SMARCAD1: variants seen among roughly 807,000 people sequenced by gnomAD.
The protein encoded by SMARCAD1 is SWI/SNF-related matrix-associated actin-dependent regulator of chromatin subfamily A containing DEAD/H box 1.
In SMARCAD1, 25 loss-of-function variants were observed where a neutral mutation model predicts 127.1. That is an observed-to-expected ratio of 0.20 (90% CI 0.14 to 0.27). The LOEUF is 0.27. Ranked by LOEUF, SMARCAD1 falls within the 10% of genes least tolerant of loss-of-function variation. The pLI is 1.00. For missense variants in SMARCAD1, 807 were observed against 1,206.0 expected (o/e 0.67, Z 4.90); for synonymous variants, 400 against 396.9 (o/e 1.01, Z -0.09).
At chr4:94,285,882 T>G (rs1365339046) in intron 23 of SMARCAD1, among the ~76,000 whole-genome samples, 3 of 152,236 alleles carry the variant, frequency 2.0e-5, no homozygotes, top group Non-Finnish European at 4.4e-5. Context: ...CTTGCCAGTT[T>G]CAGGTTGTCC....
chr4:94,253,881 GA>G (rs1749667472), intron 9 of SMARCAD1, among the ~76,000 whole-genome samples: 1 of 152,100 alleles, frequency 6.6e-6, no homozygotes, highest in Non-Finnish European at 1.5e-5. Context: ...AAGCAATATG[GA>G]TGATTTTTTA....
intron 23 of SMARCAD1, among the ~76,000 whole-genome samples, chr4:94,287,125 T>G (rs1755056855): frequency 6.6e-6 from 1 of 152,174 alleles, no homozygotes; most frequent in South Asian, 2.1e-4. Context: ...TGGCCTCTCC[T>G]TACCACTTTT....
At chr4:94,236,748 C>T (rs1313724853) in intron 4 of SMARCAD1, among the ~76,000 whole-genome samples, 1 of 152,140 alleles carries the variant, frequency 6.6e-6, no homozygotes, top group African/African-American at 2.4e-5. Context: ...CAACCTGATA[C>T]ATTTTAAAAT....
intron 2 of SMARCAD1, among the ~76,000 whole-genome samples, chr4:94,216,233 C>T (rs796365439): frequency 2.0e-5 from 3 of 152,262 alleles, no homozygotes; most frequent in African/African-American, 7.2e-5. Flanking sequence ...AATGTCACCT[C>T]CTAATACCAT....
intron 3 of SMARCAD1, among the ~76,000 whole-genome samples, chr4:94,229,354 C>T (rs1010313747): frequency 6.6e-6 from 1 of 152,020 alleles, no homozygotes. Flanking sequence ...TTTTTCTCCC[C>T]ATTTGTGCTT....
intron 2 of SMARCAD1, among the ~76,000 whole-genome samples, chr4:94,219,968 T>C (rs1481752916): frequency 1.3e-5 from 2 of 152,242 alleles, no homozygotes; most frequent in African/African-American, 4.8e-5. Context: ...TCTTTATAAC[T>C]GTTTCTGCTT....
intron 6 of SMARCAD1, among the ~76,000 whole-genome samples, chr4:94,245,935 T>G (rs1748342106): frequency 6.6e-6 from 1 of 152,164 alleles, no homozygotes; most frequent in Non-Finnish European, 1.5e-5. Context: ...TAAAACTCTC[T>G]AAAACGATTT....
intron 4 of SMARCAD1, 95 bp from the exon 5 acceptor site, chr4:94,236,857 G>T: frequency 2.0e-6 from 2 of 980,464 alleles, no homozygotes; most frequent in Admixed American, 3.6e-5. Context: ...TTCCTGTCAT[G>T]TTTATATTTA....
intron 2 of SMARCAD1, among the ~76,000 whole-genome samples, chr4:94,223,761 A>G (rs28735979): frequency 2.8e-5 from 1 of 35,752 alleles, no homozygotes; most frequent in East Asian, 2.6e-3. Flanking sequence ...TTTTTTTTTT[A>G]AAGTAGAGAC....
chr4:94,247,268 A>G (rs1748578594), intron 6 of SMARCAD1, among the ~76,000 whole-genome samples: 1 of 152,226 alleles, frequency 6.6e-6, no homozygotes, highest in South Asian at 2.1e-4. Context: ...TGGAGATGGA[A>G]AAATAAGCAC....
At chr4:94,253,818 T>C in intron 9 of SMARCAD1, 1 of 545,888 alleles carries the variant, frequency 1.8e-6, no homozygotes, top group Non-Finnish European at 2.3e-6. Flanking sequence ...TAAATTTTGC[T>C]TCAACCCTTA....
chr4:94,259,443 A>G (rs1396104618), intron 9 of SMARCAD1, among the ~76,000 whole-genome samples: 2 of 152,204 alleles, frequency 1.3e-5, no homozygotes, highest in African/African-American at 4.8e-5. Flanking sequence ...GTTATTAGAT[A>G]GATCTAAATT....
chr4:94,242,297 G>A (rs977389946), intron 6 of SMARCAD1, among the ~76,000 whole-genome samples: 39 of 151,650 alleles, frequency 2.6e-4, no homozygotes, highest in Non-Finnish European at 5.3e-4. Context: ...CACCCACCTC[G>A]GCTTCCCAAA....
intron 9 of SMARCAD1, among the ~76,000 whole-genome samples, chr4:94,256,563 A>G (rs553258651): frequency 6.6e-5 from 10 of 152,172 alleles, no homozygotes; most frequent in Non-Finnish European, 8.8e-5. Context: ...GAGTTTCACC[A>G]TGTTGGCCAG....
rs1754015734 is a variant in SMARCAD1, at chr4:94,281,455, T to C, written c.2608-17T>C. 1 of 1,506,052 alleles carries C rather than the reference T, an allele frequency of 6.6e-7. No individual in the cohort carries two copies. Among genetic ancestry groups the C allele is most frequent in the East Asian group, 2.3e-5 (1 of 44,224 alleles). 93.3% of individuals were successfully genotyped at this position (1,506,052 alleles called of 1,614,324 possible). On this transcript the variant is annotated splice_polypyrimidine_tract_variant and intron_variant, in intron 20 of 23. Coordinates refer to ENST00000354268, the MANE Select transcript of SMARCAD1 (RefSeq NM_020159.5). The stretch of plus-strand genomic sequence containing the variant: ...AACGATTTTTTCTATTTCTAATTCA[T>C]GTATGTATTTTCACAGGGTGATAGA...
At chr4:94,215,744 A>G (rs1462417919) in intron 2 of SMARCAD1, among the ~76,000 whole-genome samples, 1 of 152,146 alleles carries the variant, frequency 6.6e-6, no homozygotes, top group African/African-American at 2.4e-5. Flanking sequence ...CTGCTTTTTC[A>G]TACCTGTCTA....
chr4:94,283,680 C>T (rs547178643), intron 22 of SMARCAD1, among the ~76,000 whole-genome samples: 1 of 151,992 alleles, frequency 6.6e-6, no homozygotes, highest in South Asian at 2.1e-4. Context: ...AAAAAATTAG[C>T]CGGGCATGGT....
At chr4:94,216,714 G>C (rs1023134421) in intron 2 of SMARCAD1, among the ~76,000 whole-genome samples, 4 of 152,090 alleles carry the variant, frequency 2.6e-5, no homozygotes, top group African/African-American at 7.2e-5. Flanking sequence ...TCATCACTTA[G>C]CATAACATCC....
intron 5 of SMARCAD1, among the ~76,000 whole-genome samples, chr4:94,239,425 G>C (rs542156739): frequency 1.9e-5 from 1 of 53,014 alleles, no homozygotes; most frequent in Non-Finnish European, 3.5e-5. Context: ...TTTTTATGCT[G>C]TTTGTTTTGA....
Sources: allele counts gnomAD v4.1 joint callset (sites outside exome capture counted in the v4.1 genomes callset), GRCh38; gene constraint gnomAD v4.1.1; transcripts MANE v1.5; gene names NCBI Gene and HGNC (gene_info 2026-07-23, HGNC 2026-07-21).